Variants in GJB7 observed in about 807,000 individuals in gnomAD.
GJB7 encodes gap junction protein beta 7.
For missense variants in GJB7, 253 were observed against 256.8 expected, an observed-to-expected ratio of 0.99 and a Z score of 0.10; for synonymous variants, 87 against 95.2, an observed-to-expected ratio of 0.91 and a Z score of 0.50.
intron 2 of GJB7, among the ~76,000 whole-genome samples, chr6:87,303,405 C>G (rs1010743625): frequency 6.6e-6 from 1 of 152,020 alleles, no homozygotes; most frequent in African/African-American, 2.4e-5. Flanking sequence ...GACTTTAAAC[C>G]AACAAAGATC....
chr6:87,310,256 A>G (rs560431009), intron 2 of GJB7, among the ~76,000 whole-genome samples: 1 of 152,330 alleles, frequency 6.6e-6, no homozygotes, highest in Non-Finnish European at 1.5e-5. Context: ...GGGTGTAGGA[A>G]AAGATTTCTT....
chr6:87,327,987 C>T (rs367896737), intron 1 of GJB7, among the ~76,000 whole-genome samples: 14 of 151,440 alleles, frequency 9.2e-5, no homozygotes, highest in East Asian at 3.9e-4. Context: ...CTTCCCTTCT[C>T]GCTTCATTTC....
chr6:87,318,253 GCAC>G (rs994389353), intron 2 of GJB7, among the ~76,000 whole-genome samples: 114 of 151,984 alleles, frequency 7.5e-4, no homozygotes, highest in African/African-American at 2.5e-3. Context: ...CTTCTTACAA[GCAC>G]CACTAGAAAA....
intron 1 of GJB7, among the ~76,000 whole-genome samples, chr6:87,325,029 G>A (rs1488360127): frequency 2.6e-5 from 4 of 152,108 alleles, no homozygotes. Flanking sequence ...TCTCTTTGAA[G>A]CAATTGTGAA....
chr6:87,316,849 G>A (rs772213187), intron 2 of GJB7, among the ~76,000 whole-genome samples: 36 of 152,184 alleles, frequency 2.4e-4, no homozygotes, highest in South Asian at 2.1e-4. Context: ...GAAACACACC[G>A]CACCACACTA....
intron 1 of GJB7, among the ~76,000 whole-genome samples, chr6:87,327,488 G>C (rs1394777028): frequency 6.6e-6 from 1 of 151,340 alleles, no homozygotes; most frequent in African/African-American, 2.4e-5. Context: ...TGTCTGTAAA[G>C]TATTTTATTT....
In GJB7 at chr6:87,315,012, C is replaced by T. The variant is rs141694887; in HGVS notation, c.-28+7854G>A. On this transcript the variant is annotated intron_variant, in intron 2 of 2. Coordinates refer to ENST00000525899, the MANE Select transcript of GJB7 (RefSeq NM_198568.3). ...AGACGATAGCTCTCTCATGTGTACT[C>T]AGAGCAAAGATAGGCCCAGCTATCT... Among the ~76,000 whole-genome samples the T allele has an allele frequency of 9.2e-5, 14 of 152,280 alleles. No homozygotes were observed. The East Asian group carries it at 2.7e-3, about 29-fold the overall frequency.
At chr6:87,298,678 G>T in intron 2 of GJB7, 1 of 177,330 alleles carries the variant, frequency 5.6e-6, no homozygotes. Context: ...CATAATTTCA[G>T]CCATTTAATC....
At chr6:87,289,325 G>T (rs896561663) in intron 2 of GJB7, among the ~76,000 whole-genome samples, 1 of 151,988 alleles carries the variant, frequency 6.6e-6, no homozygotes, top group South Asian at 2.1e-4. Context: ...ACTTGTTTTC[G>T]TGATTAATAT....
chr6:87,310,629 T>C (rs1195625486), intron 2 of GJB7, among the ~76,000 whole-genome samples: 1 of 151,576 alleles, frequency 6.6e-6, no homozygotes, highest in East Asian at 1.9e-4. Flanking sequence ...AAAAGCCACC[T>C]GTTCCCCCAA....
At chr6:87,326,196 G>T (rs1428078620) in intron 1 of GJB7, among the ~76,000 whole-genome samples, 3 of 152,048 alleles carry the variant, frequency 2.0e-5, no homozygotes, top group Non-Finnish European at 2.9e-5. Flanking sequence ...TATCAATTTT[G>T]TTGATCCGTT....
intron 2 of GJB7, among the ~76,000 whole-genome samples, chr6:87,285,399 C>A (rs1024367905): frequency 6.6e-6 from 1 of 152,192 alleles, no homozygotes. Context: ...CCTTCCCAGT[C>A]CTTAAGGTTT....
intron 2 of GJB7, among the ~76,000 whole-genome samples, chr6:87,314,579 G>T (rs1316396328): frequency 6.6e-6 from 1 of 152,114 alleles, no homozygotes; most frequent in Non-Finnish European, 1.5e-5. Context: ...GGCCCATCCT[G>T]ACCAGTTCCA....
rs1462325264 is a variant in GJB7 at position 87,328,198 on chromosome 6, G to T, written c.-206+940C>A. ...TTTTCAACTTCTTTGCCTTTGGTTT[G>T]AATTTCCTCCCGTAGCTCGGAATAA... On this transcript the variant is annotated intron_variant, in intron 1 of 2. Transcript: ENST00000525899. Among the ~76,000 whole-genome samples, 5 of 152,144 alleles carry T rather than the reference G, an allele frequency of 3.3e-5. 1 individual carries two copies. The highest frequency in any genetic ancestry group is 1.2e-4 in the African/African-American group (5 of 41,408).
At chr6:87,326,477 C>A (rs774558020) in intron 1 of GJB7, among the ~76,000 whole-genome samples, 1 of 151,880 alleles carries the variant, frequency 6.6e-6, no homozygotes, top group Non-Finnish European at 1.5e-5. Flanking sequence ...TCTTTGTTCT[C>A]GTTGGTTTCA....
intron 2 of GJB7, among the ~76,000 whole-genome samples, chr6:87,308,127 G>GA (rs901036612): frequency 3.3e-5 from 5 of 151,050 alleles, no homozygotes; most frequent in East Asian, 3.9e-4. Context: ...ATCACAGGGA[G>GA]AAAAAACCAA....
At chr6:87,316,125 T>C (rs914509061) in intron 2 of GJB7, among the ~76,000 whole-genome samples, 2 of 152,210 alleles carry the variant, frequency 1.3e-5, no homozygotes, top group Non-Finnish European at 2.9e-5. Flanking sequence ...AAACTTGCTG[T>C]TCTCAATTTC....
At chr6:87,303,895 G>A (rs1006243189) in intron 2 of GJB7, among the ~76,000 whole-genome samples, 1 of 152,158 alleles carries the variant, frequency 6.6e-6, no homozygotes, top group Admixed American at 6.5e-5. Context: ...ACAACTACAT[G>A]GAAACTGAAC....
At chr6:87,294,580 T>A (rs1157024272) in intron 2 of GJB7, among the ~76,000 whole-genome samples, 1 of 152,194 alleles carries the variant, frequency 6.6e-6, no homozygotes, top group African/African-American at 2.4e-5. Context: ...CTCAGCAGTA[T>A]CCCTCCCAAG....
Sources: allele counts gnomAD v4.1 joint callset (sites outside exome capture counted in the v4.1 genomes callset), GRCh38; gene constraint gnomAD v4.1.1; transcripts MANE v1.5; gene names NCBI Gene and HGNC (gene_info 2026-07-23, HGNC 2026-07-21).